TXK: variants seen among roughly 807,000 people sequenced by gnomAD.
TXK encodes tyrosine-protein kinase TXK.
In TXK, 60 loss-of-function variants were observed where a neutral mutation model predicts 81.0. The observed-to-expected ratio is 0.74, with a 90% CI of 0.60 to 0.92. TXK has a LOEUF of 0.92. Among genes scored for constraint, TXK ranks in the 40% least tolerant of loss-of-function variants. The pLI, the probability that TXK is intolerant of heterozygous loss-of-function variation, is 0.00. For missense variants in TXK, 581 were observed against 638.3 expected, an observed-to-expected ratio of 0.91 and a Z score of 0.97; for synonymous variants, 203 against 210.7, an observed-to-expected ratio of 0.96 and a Z score of 0.32.
chr4:48,122,519 TTC>T (rs1156828181), intron 1 of TXK, among the ~76,000 whole-genome samples: 1 of 152,236 alleles, frequency 6.6e-6, no homozygotes, highest in African/African-American at 2.4e-5. Context: ...TACTTTTTCT[TTC>T]TTTTTTGGTG....
chr4:48,067,084 T>C lies in TXK; in HGVS notation c.*553A>G, dbSNP rs1716633606. 6.6e-6 allele frequency: 1 copy of C among 152,508 alleles called. No homozygotes were observed. The highest frequency in any genetic ancestry group is 6.5e-5 in the Admixed American group (1 of 15,328). The allele number at this position is 152,508 out of a possible 1,614,324, so 9.4% of individuals were successfully genotyped here. A position where few individuals can be genotyped will look rare whatever the true frequency, so the allele number is the denominator to read the frequency against. The stretch of plus-strand genomic sequence containing the variant: ...TGCAAAAACAATTTGTTAAATAACA[T>C]GGGAAGATTATATTAACAAAAGACA... On this transcript the variant is annotated 3_prime_UTR_variant, in exon 15 of 15. Transcript: ENST00000264316.
At chr4:48,096,918 C>T (rs913206895) in intron 6 of TXK, among the ~76,000 whole-genome samples, 9 of 152,248 alleles carry the variant, frequency 5.9e-5, no homozygotes, top group African/African-American at 2.2e-4. Flanking sequence ...ATATTAGCAC[C>T]TCTGCTATGC....
chr4:48,102,002 G>A (rs1560353488), intron 6 of TXK, among the ~76,000 whole-genome samples: 1 of 151,154 alleles, frequency 6.6e-6, no homozygotes. Flanking sequence ...TTTTTGAGAT[G>A]GAGTCTCGCT....
At chr4:48,111,940 G>C (rs573057829) in intron 4 of TXK, among the ~76,000 whole-genome samples, 3 of 152,176 alleles carry the variant, frequency 2.0e-5, no homozygotes, top group Non-Finnish European at 4.4e-5. Context: ...TACTATTTCT[G>C]TTCTTACCTT....
Position 48,113,211 on chromosome 4 carries a change from T to C in TXK, c.170A>G (p.Lys57Arg). The C allele has an allele frequency of 6.2e-7, 1 of 1,612,108 alleles. No homozygotes were observed. The change falls in exon 3 of 15, where the codon AAG (lysine) becomes AGG (arginine). Residue 57 changes from lysine (K) to arginine (R), a missense_variant. Lys to Arg is a conservative substitution (Grantham distance 26, BLOSUM62 2). Coordinates refer to ENST00000264316, the MANE Select transcript of TXK (RefSeq NM_003328.3). ...RPWLSQLSNK[K>R]QSNTGRVQPS... ...GCCTGTCAAAATGATACTTACTTGC[T>C]TCTTATTTGACAATTGGCTGAGCCA...
chr4:48,089,869 T>G (rs773982253), intron 8 of TXK, 45 bp from the exon 9 acceptor site: 1 of 1,373,394 alleles, frequency 7.3e-7, no homozygotes, highest in South Asian at 1.2e-5. Flanking sequence ...GTTGCTAATA[T>G]AGAAGAAAGA....
At chr4:48,077,602 C>T (rs374953591) in intron 11 of TXK, among the ~76,000 whole-genome samples, 14 of 152,072 alleles carry the variant, frequency 9.2e-5, no homozygotes, top group Middle Eastern at 3.4e-3. Flanking sequence ...AATTGTTATC[C>T]GGAAAGACAA....
chr4:48,082,472 T>C (rs1717345429), intron 10 of TXK, among the ~76,000 whole-genome samples: 1 of 152,226 alleles, frequency 6.6e-6, no homozygotes, highest in Non-Finnish European at 1.5e-5. Context: ...AAGACATTCC[T>C]TTCCATTGAT....
intron 5 of TXK, among the ~76,000 whole-genome samples, chr4:48,105,448 T>C (rs982699997): frequency 2.0e-5 from 3 of 152,304 alleles, no homozygotes; most frequent in Admixed American, 1.3e-4. Flanking sequence ...TTAGTAGATG[T>C]TCTCACTTAC....
chr4:48,122,448 C>A (rs1178611256), intron 1 of TXK, among the ~76,000 whole-genome samples: 2 of 152,180 alleles, frequency 1.3e-5, no homozygotes, highest in Non-Finnish European at 2.9e-5. Flanking sequence ...AGTGAATAGC[C>A]CCCTGATTTG....
intron 1 of TXK, among the ~76,000 whole-genome samples, chr4:48,133,528 G>A (rs1317710311): frequency 1.3e-5 from 2 of 152,168 alleles, no homozygotes; most frequent in Admixed American, 1.3e-4. Flanking sequence ...GGCTCTGACT[G>A]CAGATAAGAA....
intron 10 of TXK, among the ~76,000 whole-genome samples, chr4:48,084,566 C>T (rs1020803388): frequency 3.9e-5 from 6 of 152,232 alleles, no homozygotes; most frequent in African/African-American, 1.2e-4. Context: ...CACAGGAATA[C>T]AATTTTTGTC....
At chr4:48,097,906 C>T (rs1323374999) in intron 6 of TXK, among the ~76,000 whole-genome samples, 1 of 151,318 alleles carries the variant, frequency 6.6e-6, no homozygotes, top group Non-Finnish European at 1.5e-5. Flanking sequence ...CGTCACCACG[C>T]CCAGCTAATT....
chr4:48,119,540 C>G (rs536724464), intron 1 of TXK, among the ~76,000 whole-genome samples: 1 of 152,300 alleles, frequency 6.6e-6, no homozygotes, highest in Non-Finnish European at 1.5e-5. Flanking sequence ...CTTCCTTTCT[C>G]TCTTCCTTTT....
rs1398602386 is a variant in TXK at position 48,089,784 on chromosome 4, G to A, written c.750C>T (p.Gly250=). The change falls in exon 9 of 15, where the codon GGC becomes GGT. Residue 250 remains glycine (G), a synonymous_variant. Transcript: ENST00000264316. ...TRLRYPVGLM[G]SCLPATAGFS... is the part of the protein sequence containing the mutation. ...ACCCAGCTGTGGCTGGTAAACAACT[G>A]CCCATCAGCCCAACTGGATATCGGA... 1 of 1,613,572 alleles carries A rather than the reference G, an allele frequency of 6.2e-7. No homozygotes were observed. Among genetic ancestry groups the A allele is most frequent in the Non-Finnish European group, 8.5e-7 (1 of 1,179,690 alleles).
At chr4:48,130,373 C>T (rs1384971800) in intron 1 of TXK, among the ~76,000 whole-genome samples, 3 of 152,132 alleles carry the variant, frequency 2.0e-5, no homozygotes, top group Non-Finnish European at 4.4e-5. Context: ...AAGCTGGGCC[C>T]AACCAGAGCT....
Position 48,112,448 on chromosome 4 carries a change from A to G in TXK, c.239T>C (p.Val80Ala). The G allele has an allele frequency of 1.2e-6, 2 of 1,614,140 alleles. No individual in the cohort carries two copies. Among genetic ancestry groups the G allele is most frequent in the East Asian group, 2.2e-5 (1 of 44,888 alleles). The change falls in exon 4 of 15, where the codon GTT (valine) becomes GCT (alanine). Residue 80 changes from valine (V) to alanine (A), a missense_variant. By Grantham distance (64) the Val-to-Ala change is moderately conservative. Transcript: ENST00000264316. The stretch of plus-strand genomic sequence containing the variant: ...CTTGACTTGGATCTTCTCTTCAGCA[A>G]CCTCAGAGGGTGGGAGGGGAGGCAG... ...KPLPPLPPSE[V>A]AEEKIQVKAL... is the part of the protein sequence containing the mutation.
intron 2 of TXK, among the ~76,000 whole-genome samples, 156 bp from the exon 3 acceptor site, chr4:48,113,465 T>C (rs1414335344): frequency 6.6e-6 from 1 of 152,202 alleles, no homozygotes; most frequent in Non-Finnish European, 1.5e-5. Context: ...CTGGGCAAAT[T>C]ACTGGTTTTA....
intron 8 of TXK, among the ~76,000 whole-genome samples, chr4:48,093,666 G>A (rs1717866437): frequency 6.6e-6 from 1 of 152,226 alleles, no homozygotes; most frequent in Admixed American, 6.5e-5. Context: ...CAGAGAGTGA[G>A]AGATATAAGG....
Sources: gnomAD v4.1 joint callset for allele counts (sites outside exome capture counted in the v4.1 genomes callset) on GRCh38, gnomAD v4.1.1 for gene constraint, MANE v1.5 for transcripts, NCBI Gene and HGNC (gene_info 2026-07-23, HGNC 2026-07-21) for gene names.